Variants in PKP2 observed in about 807,000 individuals in gnomAD.
PKP2 encodes the protein plakophilin 2, also known as plakophilin-2.
A neutral mutation model predicts 83.4 loss-of-function variants in PKP2; 73 were observed. The ratio of observed to expected loss-of-function variants is 0.88; its 90% CI spans 0.72 to 1.06. The LOEUF (loss-of-function observed/expected upper bound fraction) is 1.06. Ranked by LOEUF, PKP2 falls within the 50% of genes least tolerant of loss-of-function variation. PKP2 has a pLI of 0.00. For synonymous variants in PKP2, 409 were observed against 430.4 expected (o/e 0.95, Z 0.62); for missense variants, 966 against 1,065.4 (o/e 0.91, Z 1.30).
chr12:32,882,839 T>C (rs1371416821), intron 1 of PKP2, among the ~76,000 whole-genome samples: 1 of 152,202 alleles, frequency 6.6e-6, no homozygotes, highest in Non-Finnish European at 1.5e-5. Context: ...GGGTTGATTA[T>C]TAAATCAACC....
intron 4 of PKP2, among the ~76,000 whole-genome samples, chr12:32,860,172 T>C (rs1423375278): frequency 6.6e-6 from 1 of 152,122 alleles, no homozygotes; most frequent in African/African-American, 2.4e-5. Flanking sequence ...TCAACAGAGT[T>C]GAGGGCACAG....
chr12:32,868,032 A>G (rs572124808), intron 4 of PKP2, among the ~76,000 whole-genome samples: 1 of 152,338 alleles, frequency 6.6e-6, no homozygotes, highest in East Asian at 1.9e-4. Context: ...GGAATCACTG[A>G]ATGAAAAAAA....
intron 6 of PKP2, among the ~76,000 whole-genome samples, chr12:32,835,291 G>A (rs531733120): frequency 1.3e-5 from 2 of 152,232 alleles, no homozygotes; most frequent in South Asian, 4.1e-4. Flanking sequence ...CTGACTTTGT[G>A]ATCCGCCTGC....
chr12:32,798,502 G>A (rs10844357), intron 10 of PKP2, among the ~76,000 whole-genome samples: 31,100 of 149,220 alleles, frequency 0.21, 3,875 homozygotes, highest in East Asian at 0.57. Flanking sequence ...TAACAAGAAA[G>A]GTATTAAAAA....
chr12:32,806,210 G>C (rs1317834518), intron 9 of PKP2, among the ~76,000 whole-genome samples: 1 of 152,170 alleles, frequency 6.6e-6, no homozygotes, highest in Non-Finnish European at 1.5e-5. Context: ...TTGGTATCAG[G>C]ATGATGCTGG....
At position 32,868,918 on chromosome 12, in the gene PKP2, G is replaced by T; in HGVS notation, c.1170+9C>A. The stretch of plus-strand genomic sequence containing the variant: ...TTGCGCTTTGCAATGGACTGAAGAT[G>T]ACACTCACCCTCTTCCGAGCTTCAG... On this transcript the variant is annotated intron_variant, in intron 4 of 12. Transcript: ENST00000340811. 1 of 1,612,280 alleles carries T rather than the reference G, an allele frequency of 6.2e-7. No individual in the cohort carries two copies. The highest frequency in any genetic ancestry group is 1.1e-5 in the South Asian group (1 of 90,974).
intron 4 of PKP2, among the ~76,000 whole-genome samples, chr12:32,857,935 A>T (rs1035878219): frequency 6.7e-6 from 1 of 150,062 alleles, no homozygotes; most frequent in Non-Finnish European, 1.5e-5. Flanking sequence ...GTTTTTAAAA[A>T]CTGGGAATAG....
chr12:32,799,466 G>A (rs1317605473), intron 10 of PKP2, among the ~76,000 whole-genome samples: 1 of 152,126 alleles, frequency 6.6e-6, no homozygotes, highest in Non-Finnish European at 1.5e-5. Flanking sequence ...GTCATTATAT[G>A]AAAAAGACAC....
chr12:32,806,173 C>CT (rs1389145533), intron 9 of PKP2, among the ~76,000 whole-genome samples: 2 of 152,074 alleles, frequency 1.3e-5, no homozygotes, highest in African/African-American at 4.8e-5. Context: ...CTGAAGTTTT[C>CT]TTTTTTTGTT....
Position 32,802,576 on chromosome 12 carries a change from C to T in PKP2, c.2014-20G>A. On this transcript the variant is annotated intron_variant, in intron 9 of 12. Coordinates refer to ENST00000340811, the MANE Select transcript of PKP2 (RefSeq NM_001005242.3). ...CGGCATCTGTTTTGTGAGACATATC[C>T]TATAAGTGCTATTGTATTTGATTTC... 1 of 1,608,284 alleles carries T rather than the reference C, an allele frequency of 6.2e-7. No individual in the cohort carries two copies. The highest frequency in any genetic ancestry group is 1.3e-5 in the African/African-American group (1 of 74,936).
At chr12:32,860,294 A>G (rs1956786806) in intron 4 of PKP2, among the ~76,000 whole-genome samples, 1 of 152,224 alleles carries the variant, frequency 6.6e-6, no homozygotes, top group South Asian at 2.1e-4. Context: ...CCTGCCTGCT[A>G]GTATTCAGTA....
In PKP2 at chr12:32,892,824, G is replaced by GGGGGC. The variant is rs1555149556; in HGVS notation, c.223+3684_223+3685insGCCCC. On this transcript the variant is annotated intron_variant, in intron 1 of 12. Coordinates refer to ENST00000340811, the MANE Select transcript of PKP2 (RefSeq NM_001005242.3). ...CAGATACCTGGGGTGGGGGCGGGGG[G>GGGGGC]GGGGGGAGAACTGTGTAGCAAGTAG... Among the ~76,000 whole-genome samples the GGGGGC allele has an allele frequency of 4.3e-4, 49 of 113,586 alleles. 10 individuals are homozygous for GGGGGC. The highest frequency in any genetic ancestry group is 1.4e-3 in the African/African-American group (44 of 31,596). The allele number at this position is 113,586 out of a possible 152,430, so 74.5% of individuals were successfully genotyped here. A position where few individuals can be genotyped will look rare whatever the true frequency, so the allele number is the denominator to read the frequency against.
intron 5 of PKP2, among the ~76,000 whole-genome samples, chr12:32,846,534 C>T (rs574677639): frequency 1.2e-4 from 18 of 152,094 alleles, no homozygotes; most frequent in African/African-American, 2.7e-4. Context: ...CACCTGAGGT[C>T]GGGAGTTCGA....
At chr12:32,854,268 T>G (rs1335159689) in intron 4 of PKP2, among the ~76,000 whole-genome samples, 4 of 152,202 alleles carry the variant, frequency 2.6e-5, no homozygotes, top group African/African-American at 7.2e-5. Flanking sequence ...CACCTTGGCT[T>G]TCAGCACTTG....
rs144106848 is a variant in PKP2, at chr12:32,896,534, C to T, written c.198G>A (p.Arg66=). 2.6e-5 allele frequency: 41 copies of T among 1,558,478 alleles called. No individual in the cohort carries two copies. The African/African-American group carries it at 5.4e-4, about 21-fold the overall frequency. Residue 66 remains arginine, a synonymous_variant, in exon 1 of 13, where the codon CGG becomes CGA. Transcript: ENST00000340811. ...IQEQVQQTLA[R]KGRSSVGNGN... ...CGTTGCCCACGGAGCTGCGGCCCTT[C>T]CGGGCGAGGGTCTGCTGCACCTGCT...
At position 32,821,426 on chromosome 12, in the gene PKP2, T is replaced by C. The variant is rs776915959; in HGVS notation, c.1943A>G (p.Lys648Arg). The change falls in exon 9 of 13, where the codon AAA becomes AGA. Residue 648 changes from lysine (K) to arginine (R), a missense_variant. Coordinates refer to ENST00000340811, the MANE Select transcript of PKP2 (RefSeq NM_001005242.3). ...TTCTTGTGTGTAGTTGCGGACACTT[T>C]TGGCGATCAAGGACAGATACATCCT... The part of the protein sequence containing the change: ...VIRMYLSLIA[K>R]SVRNYTQEAS... The C allele has an allele frequency of 1.5e-5, 25 of 1,614,006 alleles. No homozygotes were observed. The highest frequency in any genetic ancestry group is 6.6e-5 in the South Asian group (6 of 91,076).
intron 1 of PKP2, among the ~76,000 whole-genome samples, chr12:32,892,058 C>T (rs1420759745): frequency 3.3e-5 from 5 of 152,112 alleles, no homozygotes; most frequent in Admixed American, 2.0e-4. Flanking sequence ...CTACTGACAC[C>T]TCACATTCAG....
intron 6 of PKP2, among the ~76,000 whole-genome samples, chr12:32,839,952 C>T (rs530042481): frequency 2.0e-5 from 3 of 152,318 alleles, no homozygotes; most frequent in Admixed American, 6.5e-5. Context: ...CCAGCTCACT[C>T]GACACCTCTT....
intron 1 of PKP2, among the ~76,000 whole-genome samples, chr12:32,887,895 C>G (rs79328652): frequency 0.064 from 9,683 of 152,164 alleles, 1,061 homozygotes; most frequent in African/African-American, 0.22. Context: ...CTGTTCATTT[C>G]TCAGCCAGGC....
Sources: allele counts gnomAD v4.1 joint callset (sites outside exome capture counted in the v4.1 genomes callset), GRCh38; gene constraint gnomAD v4.1.1; transcripts MANE v1.5; gene names NCBI Gene and HGNC (gene_info 2026-07-23, HGNC 2026-07-21).